Variants in CSMD1 observed in about 807,000 individuals in gnomAD.
The protein encoded by CSMD1 is CUB and Sushi multiple domains 1.
Under a neutral mutation model 417.5 loss-of-function variants are expected in CSMD1, and 213 were observed. That is an observed-to-expected ratio of 0.51 (90% CI 0.46 to 0.57). The LOEUF is 0.57. Among genes scored for constraint, CSMD1 ranks in the 20% least tolerant of loss-of-function variants. CSMD1 has a pLI of 0.00. For synonymous variants in CSMD1, 2,862 were observed against 1,736.8 expected (o/e 1.65, Z -16.11); for missense variants, 6,923 against 4,529.7 (o/e 1.53, Z -15.17).
intron 1 of CSMD1, among the ~76,000 whole-genome samples, chr8:4,938,841 G>A (rs987427610): frequency 6.6e-6 from 1 of 152,138 alleles, no homozygotes; most frequent in Non-Finnish European, 1.5e-5. Context: ...TATTGAAACA[G>A]GTGTAACGTG....
chr8:2,964,019 G>C (rs546123020), intron 59 of CSMD1, among the ~76,000 whole-genome samples: 30 of 152,262 alleles, frequency 2.0e-4, no homozygotes, highest in Middle Eastern at 3.4e-3. Flanking sequence ...GTGATGTCAC[G>C]AGAGATCACC....
At position 4,590,573 on chromosome 8, in the gene CSMD1, T is replaced by C. The variant is rs189908081; in HGVS notation, c.302+46769A>G. Among the ~76,000 whole-genome samples the C allele has an allele frequency of 2.9e-3, 441 of 152,150 alleles. 5 individuals carry two copies. The highest frequency in any genetic ancestry group is 4.1e-3 in the Non-Finnish European group (279 of 67,986). ...CCCTATATGCTTTTAAAAATAAAAATATAAATTAGAAATATACTATTTAAA... is the reference window on the plus strand; with the variant it reads ...CCCTATATGCTTTTAAAAATAAAAACATAAATTAGAAATATACTATTTAAA... On this transcript the variant is annotated intron_variant, in intron 2 of 69. Transcript: ENST00000635120.
intron 7 of CSMD1, among the ~76,000 whole-genome samples, chr8:3,706,207 C>G (rs1279170648): frequency 6.6e-6 from 1 of 152,240 alleles, no homozygotes; most frequent in Non-Finnish European, 1.5e-5. Context: ...AGGCAGTTTA[C>G]ACCCCTCTTG....
At chr8:3,199,623 G>T in intron 33 of CSMD1, 91 bp downstream of exon 33, 1 of 606,288 alleles carries the variant, frequency 1.6e-6, no homozygotes, top group Non-Finnish European at 2.7e-6. Context: ...ATGCAGCTGA[G>T]ATGTTTTGAG....
At chr8:3,525,600 G>T (rs1249732184) in intron 10 of CSMD1, among the ~76,000 whole-genome samples, 1 of 152,140 alleles carries the variant, frequency 6.6e-6, no homozygotes, top group African/African-American at 2.4e-5. Context: ...CTGTCACTAG[G>T]AGGGCATCGT....
At chr8:3,293,622 C>T (rs181904044) in intron 25 of CSMD1, among the ~76,000 whole-genome samples, 1 of 152,146 alleles carries the variant, frequency 6.6e-6, no homozygotes, top group African/African-American at 2.4e-5. Flanking sequence ...ATTGTATTGG[C>T]TACTGAGGCT....
chr8:4,410,591 G>C (rs1466187608), intron 3 of CSMD1, among the ~76,000 whole-genome samples: 1 of 151,796 alleles, frequency 6.6e-6, no homozygotes, highest in Non-Finnish European at 1.5e-5. Context: ...ACCAATTTTT[G>C]TTTTTCATTT....
intron 18 of CSMD1, among the ~76,000 whole-genome samples, chr8:3,384,960 T>G (rs1268631875): frequency 1.2e-5 from 1 of 84,054 alleles, no homozygotes; most frequent in Non-Finnish European, 2.2e-5. Flanking sequence ...ATATAATATA[T>G]AATATATATG....
At chr8:3,602,514 A>G (rs1292018772) in intron 8 of CSMD1, among the ~76,000 whole-genome samples, 1 of 152,166 alleles carries the variant, frequency 6.6e-6, no homozygotes, top group Non-Finnish European at 1.5e-5. Context: ...TCTTTTGCAT[A>G]TCACTGATGA....
At chr8:3,164,996 A>T (rs887990043) in intron 37 of CSMD1, among the ~76,000 whole-genome samples, 1 of 151,838 alleles carries the variant, frequency 6.6e-6, no homozygotes, top group Non-Finnish European at 1.5e-5. Context: ...GCCTTTAAGG[A>T]ATTATAATTA....
At chr8:3,439,107 A>T (rs1452295613) in intron 12 of CSMD1, among the ~76,000 whole-genome samples, 2 of 120,172 alleles carry the variant, frequency 1.7e-5, no homozygotes, top group African/African-American at 6.3e-5. Context: ...TGGGTGACAG[A>T]GCAAGACTCC....
intron 7 of CSMD1, among the ~76,000 whole-genome samples, chr8:3,675,082 C>T (rs752357786): frequency 2.0e-5 from 3 of 152,154 alleles, no homozygotes; most frequent in Non-Finnish European, 4.4e-5. Flanking sequence ...TACCGTCGAC[C>T]ATAAAACGCC....
intron 7 of CSMD1, among the ~76,000 whole-genome samples, chr8:3,687,777 A>G (rs1800018623): frequency 1.3e-5 from 2 of 152,136 alleles, no homozygotes; most frequent in South Asian, 2.1e-4. Flanking sequence ...TCTGGCCTGT[A>G]AAAACACTTG....
At chr8:4,975,303 A>T (rs1810486749) in intron 1 of CSMD1, among the ~76,000 whole-genome samples, 1 of 152,236 alleles carries the variant, frequency 6.6e-6, no homozygotes, top group Admixed American at 6.5e-5. Context: ...TCATTTGAAG[A>T]GAGACTGTAG....
chr8:4,264,760 G>T (rs17406688), intron 3 of CSMD1, among the ~76,000 whole-genome samples: 2 of 152,010 alleles, frequency 1.3e-5, no homozygotes, highest in African/African-American at 4.8e-5. Context: ...CATCTAGAAC[G>T]TTCTTTGGCC....
intron 2 of CSMD1, among the ~76,000 whole-genome samples, chr8:4,447,869 G>T (rs895188543): frequency 3.3e-5 from 5 of 152,176 alleles, no homozygotes; most frequent in African/African-American, 4.8e-5. Context: ...AGTAGAGGAG[G>T]CTCGACGAAT....
At chr8:3,550,484 T>C (rs1392220867) in intron 10 of CSMD1, among the ~76,000 whole-genome samples, 1 of 152,210 alleles carries the variant, frequency 6.6e-6, no homozygotes, top group Non-Finnish European at 1.5e-5. Context: ...TGCATATCGA[T>C]GGGGTGCACA....
chr8:4,908,727 T>TTTTC (rs1222950396), intron 1 of CSMD1, among the ~76,000 whole-genome samples: 1 of 53,188 alleles, frequency 1.9e-5, no homozygotes, highest in Non-Finnish European at 3.5e-5. Flanking sequence ...TGTCACCATG[T>TTTTC]TATTTTCTAG....
intron 6 of CSMD1, among the ~76,000 whole-genome samples, chr8:3,721,048 C>G (rs1159120506): frequency 6.6e-6 from 1 of 152,064 alleles, no homozygotes; most frequent in Non-Finnish European, 1.5e-5. Flanking sequence ...GTCTCAAACT[C>G]CCGACCTTGG....
Sources: gnomAD v4.1 joint callset for allele counts (sites outside exome capture counted in the v4.1 genomes callset) on GRCh38, gnomAD v4.1.1 for gene constraint, MANE v1.5 for transcripts, NCBI Gene and HGNC (gene_info 2026-07-23, HGNC 2026-07-21) for gene names.